RELN: variants seen among roughly 807,000 people sequenced by gnomAD.
RELN encodes the protein reelin.
A neutral mutation model predicts 427.6 loss-of-function variants in RELN; 108 were observed. That is an observed-to-expected ratio of 0.25 (90% CI 0.22 to 0.30). RELN has a LOEUF of 0.30. Ranked by LOEUF, RELN falls within the 10% of genes least tolerant of loss-of-function variation. The pLI, the probability that RELN is intolerant of heterozygous loss-of-function variation, is 1.00. For synonymous variants in RELN, 1,524 were observed against 1,513.4 expected (o/e 1.01, Z -0.16); for missense variants, 3,715 against 4,302.8 (o/e 0.86, Z 3.82).
intron 13 of RELN, among the ~76,000 whole-genome samples, chr7:103,653,527 C>T (rs1174017448): frequency 6.6e-6 from 1 of 151,990 alleles, no homozygotes; most frequent in Admixed American, 6.6e-5. Context: ...GTGGCCTCAG[C>T]ACAAACAAAT....
At chr7:103,922,352 T>C (rs961505647) in intron 1 of RELN, among the ~76,000 whole-genome samples, 8 of 152,196 alleles carry the variant, frequency 5.3e-5, no homozygotes, top group South Asian at 2.1e-4. Flanking sequence ...AATATATATA[T>C]ACATATAAAT....
intron 6 of RELN, among the ~76,000 whole-genome samples, chr7:103,740,259 T>G (rs1790608320): frequency 6.6e-6 from 1 of 152,246 alleles, no homozygotes; most frequent in Non-Finnish European, 1.5e-5. Context: ...GTTTTATTTC[T>G]CTGATACTCA....
chr7:103,636,232 C>T lies in RELN; in HGVS notation c.2303+3G>A, dbSNP rs1238059327. ...GTATGTATTCTACCCTGCCTTCACT[C>T]ACCTGGATTGTGAGCTGTCAAGGAA... On this transcript the variant is annotated splice_donor_region_variant and intron_variant, in intron 18 of 64. Coordinates refer to ENST00000428762, the MANE Select transcript of RELN (RefSeq NM_005045.4). 1.2e-6 allele frequency: 2 copies of T among 1,602,024 alleles called. No individual in the cohort carries two copies. The highest frequency in any genetic ancestry group is 1.7e-5 in the Admixed American group (1 of 59,904).
At chr7:103,732,293 T>A (rs1229691161) in intron 6 of RELN, among the ~76,000 whole-genome samples, 3 of 152,092 alleles carry the variant, frequency 2.0e-5, no homozygotes, top group Non-Finnish European at 2.9e-5. Flanking sequence ...ATGGGCTAGT[T>A]TCTGGAAAGC....
chr7:103,503,256 G>T, intron 51 of RELN, 26 bp from the exon 52 acceptor site: 1 of 1,602,724 alleles, frequency 6.2e-7, no homozygotes, highest in Non-Finnish European at 8.5e-7. Flanking sequence ...ACAAGATCAA[G>T]GTATTAAAAC....
At chr7:103,670,402 G>A (rs1833365389) in intron 11 of RELN, among the ~76,000 whole-genome samples, 1 of 152,030 alleles carries the variant, frequency 6.6e-6, no homozygotes, top group Non-Finnish European at 1.5e-5. Flanking sequence ...TCAACATGGG[G>A]TTCAGTTAGA....
intron 3 of RELN, among the ~76,000 whole-genome samples, chr7:103,832,020 G>T (rs116259497): frequency 6.6e-6 from 1 of 152,114 alleles, no homozygotes; most frequent in Non-Finnish European, 1.5e-5. Flanking sequence ...GAAAATGATG[G>T]GTTTAAATAT....
intron 24 of RELN, among the ~76,000 whole-genome samples, chr7:103,599,338 C>G (rs1831611591): frequency 6.6e-6 from 1 of 152,098 alleles, no homozygotes; most frequent in South Asian, 2.1e-4. Flanking sequence ...AAGGGATTCA[C>G]AGACTTCTGG....
intron 1 of RELN, among the ~76,000 whole-genome samples, chr7:103,936,273 A>G (rs149300094): frequency 6.6e-6 from 1 of 152,156 alleles, no homozygotes; most frequent in Non-Finnish European, 1.5e-5. Context: ...ATGTATTTTT[A>G]GTAGAGATGG....
chr7:103,647,742 C>G (rs767156956), intron 16 of RELN, among the ~76,000 whole-genome samples: 7 of 151,730 alleles, frequency 4.6e-5, no homozygotes, highest in Non-Finnish European at 8.8e-5. Flanking sequence ...AGTGAATAGC[C>G]AAAGCAATCC....
chr7:103,493,978 C>T (rs558761162), intron 57 of RELN, among the ~76,000 whole-genome samples: 2 of 152,242 alleles, frequency 1.3e-5, no homozygotes, highest in Admixed American at 1.3e-4. Flanking sequence ...AGTGCAGTTA[C>T]TTCTGTTACA....
intron 34 of RELN, 23 bp from the exon 35 acceptor site, chr7:103,561,976 A>AC (rs1830654692): frequency 6.3e-7 from 1 of 1,599,658 alleles, no homozygotes; most frequent in Non-Finnish European, 8.5e-7. Context: ...AAAAAAAAAA[A>AC]AACACACCAC....
chr7:103,792,334 T>C (rs1029798299), intron 3 of RELN, among the ~76,000 whole-genome samples: 1 of 152,190 alleles, frequency 6.6e-6, no homozygotes, highest in Admixed American at 6.5e-5. Flanking sequence ...TGTCCACAGA[T>C]GATTGGCTAA....
intron 2 of RELN, among the ~76,000 whole-genome samples, chr7:103,841,020 A>G (rs777056524): frequency 5.3e-5 from 8 of 152,172 alleles, no homozygotes; most frequent in Non-Finnish European, 1.2e-4. Flanking sequence ...AAAAATGTTC[A>G]TATGAAATTT....
intron 2 of RELN, among the ~76,000 whole-genome samples, chr7:103,873,975 G>A (rs1297766013): frequency 2.1e-5 from 3 of 143,098 alleles, no homozygotes; most frequent in East Asian, 2.3e-4. Context: ...CTGGCAAACC[G>A]AATCCAGCAG....
At chr7:103,738,994 T>C (rs1475745630) in intron 6 of RELN, among the ~76,000 whole-genome samples, 2 of 152,160 alleles carry the variant, frequency 1.3e-5, no homozygotes, top group African/African-American at 4.8e-5. Context: ...CATCTTTTCA[T>C]TCAACTTAAA....
intron 20 of RELN, among the ~76,000 whole-genome samples, chr7:103,627,202 G>C (rs1270710579): frequency 1.3e-5 from 2 of 151,884 alleles, no homozygotes; most frequent in African/African-American, 4.8e-5. Context: ...AGAGAAAAAA[G>C]GTCATTGAAG....
chr7:103,656,724 A>G (rs1005914755), intron 12 of RELN, among the ~76,000 whole-genome samples: 1 of 152,064 alleles, frequency 6.6e-6, no homozygotes, highest in Non-Finnish European at 1.5e-5. Flanking sequence ...TTGGTACTGT[A>G]TGGATCAGGG....
At chr7:103,851,870 C>G (rs1259610672) in intron 2 of RELN, among the ~76,000 whole-genome samples, 2 of 152,172 alleles carry the variant, frequency 1.3e-5, no homozygotes, top group African/African-American at 4.8e-5. Flanking sequence ...ATACTATTCC[C>G]TAGTTGAAAC....
Sources: gnomAD v4.1 joint callset for allele counts (sites outside exome capture counted in the v4.1 genomes callset) on GRCh38, gnomAD v4.1.1 for gene constraint, MANE v1.5 for transcripts, NCBI Gene and HGNC (gene_info 2026-07-23, HGNC 2026-07-21) for gene names.